RPRD1A: variants seen among roughly 807,000 people sequenced by gnomAD.
RPRD1A encodes the protein regulation of nuclear pre-mRNA domain-containing protein 1A.
In RPRD1A, 9 loss-of-function variants were observed where a neutral mutation model predicts 37.8. The observed-to-expected ratio is 0.24, with a 90% CI of 0.14 to 0.42. The LOEUF (loss-of-function observed/expected upper bound fraction) is 0.42. Among genes scored for constraint, RPRD1A ranks in the 10% least tolerant of loss-of-function variants. RPRD1A has a pLI of 1.00. For missense variants in RPRD1A, 255 were observed against 371.0 expected, an observed-to-expected ratio of 0.69 and a Z score of 2.57; for synonymous variants, 138 against 139.7, an observed-to-expected ratio of 0.99 and a Z score of 0.08.
chr18:36,046,486 C>T (rs1486584701), intron 1 of RPRD1A, among the ~76,000 whole-genome samples: 3 of 152,032 alleles, frequency 2.0e-5, no homozygotes. Flanking sequence ...CAGAGTACCT[C>T]CTTCTCCTGA....
At chr18:36,041,786 A>G (rs1912598068) in intron 1 of RPRD1A, among the ~76,000 whole-genome samples, 1 of 152,254 alleles carries the variant, frequency 6.6e-6, no homozygotes, top group African/African-American at 2.4e-5. Context: ...CACAGAAAGC[A>G]TATCAAGAGA....
At position 36,014,979 on chromosome 18, in the gene RPRD1A, C is replaced by G. The variant is rs1372854814; in HGVS notation, c.789+11921G>C. ...GTGAGGATGTGGAGAAAATGGAACC[C>G]TCGTGCTCTGTTGGTGGGAATGCAA... On this transcript the variant is annotated intron_variant, in intron 6 of 6. Coordinates refer to ENST00000399022, the MANE Select transcript of RPRD1A (RefSeq NM_018170.5). 2.6e-5 allele frequency among the ~76,000 whole-genome samples: 4 copies of G among 151,986 alleles called. No homozygotes were observed. The East Asian group carries it at 7.7e-4, about 29-fold the overall frequency.
At chr18:36,023,428 ACTTGTTGGTGAGGAGTTG>A (rs1234554139) in intron 6 of RPRD1A, among the ~76,000 whole-genome samples, 1 of 152,178 alleles carries the variant, frequency 6.6e-6, no homozygotes, top group Non-Finnish European at 1.5e-5. Flanking sequence ...ATCTCATAAA[ACTTGTTGGTGAGGAGTTG>A]CTTCTTATGG....
chr18:36,050,890 A>C (rs558018658), intron 1 of RPRD1A, among the ~76,000 whole-genome samples: 3 of 149,654 alleles, frequency 2.0e-5, no homozygotes, highest in African/African-American at 2.5e-5. Flanking sequence ...TACTGCTTTT[A>C]ATGTGCACAT....
At chr18:36,049,996 T>A (rs1009035764) in intron 1 of RPRD1A, among the ~76,000 whole-genome samples, 1 of 152,176 alleles carries the variant, frequency 6.6e-6, no homozygotes, top group Non-Finnish European at 1.5e-5. Flanking sequence ...TGTTTTTTGA[T>A]AATAGCCATT....
rs943681199 is a variant in RPRD1A at position 35,991,526 on chromosome 18, G to A, written c.*1625C>T. On this transcript the variant is annotated 3_prime_UTR_variant, in exon 7 of 7. Coordinates refer to ENST00000399022, the MANE Select transcript of RPRD1A (RefSeq NM_018170.5). ...ACAAGTGAAGGACATTCATGGTTAG[G>A]TGGATTCAGTTCCCAGGTGAGCTAT... 9.9e-5 allele frequency: 15 copies of A among 152,190 alleles called. No individual in the cohort carries two copies. Among genetic ancestry groups the A allele is most frequent in the Non-Finnish European group, 1.9e-4 (13 of 68,032 alleles). 9.4% of individuals were successfully genotyped at this position (152,190 alleles called of 1,614,324 possible).
chr18:36,011,230 AAC>A (rs1910160297), intron 6 of RPRD1A, among the ~76,000 whole-genome samples: 1 of 152,178 alleles, frequency 6.6e-6, no homozygotes. Context: ...CAGACAAGGA[AAC>A]AGAGGCCAAA....
At chr18:36,026,339 A>G (rs974870530) in intron 6 of RPRD1A, 3 of 152,442 alleles carry the variant, frequency 2.0e-5, no homozygotes, top group African/African-American at 7.2e-5. Flanking sequence ...CAAAGGAAAT[A>G]CGAGCATTTT....
chr18:35,990,445 C>T lies in RPRD1A; in HGVS notation c.*2706G>A, dbSNP rs1273445144. 3 of 152,196 alleles carry T rather than the reference C, an allele frequency of 2.0e-5. No individual in the cohort carries two copies. The highest frequency in any genetic ancestry group is 4.4e-5 in the Non-Finnish European group (3 of 68,044). The allele number at this position is 152,196 out of a possible 1,614,324, so 9.4% of individuals were successfully genotyped here. A position where few individuals can be genotyped will look rare whatever the true frequency, so the allele number is the denominator to read the frequency against. On this transcript the variant is annotated 3_prime_UTR_variant, in exon 7 of 7. Coordinates refer to ENST00000399022, the MANE Select transcript of RPRD1A (RefSeq NM_018170.5). Reference sequence around the variant, plus strand: ...CATGTGATAGGAGATACCAAAATAGCTGCATCTGGACAGGGAGGTTGGCTA... The same window carrying T: ...CATGTGATAGGAGATACCAAAATAGTTGCATCTGGACAGGGAGGTTGGCTA...
intron 1 of RPRD1A, among the ~76,000 whole-genome samples, chr18:36,039,315 C>A (rs1413263089): frequency 6.6e-6 from 1 of 152,156 alleles, no homozygotes; most frequent in Admixed American, 6.5e-5. Context: ...TTCTTTATAG[C>A]AATGTGAGAG....
At chr18:36,027,521 C>T in intron 4 of RPRD1A, 1 of 489,412 alleles carries the variant, frequency 2.0e-6, no homozygotes, top group Non-Finnish European at 3.6e-6. Flanking sequence ...GGACAAGGCC[C>T]TAGACCTTGA....
chr18:36,018,378 A>G (rs1346645841), intron 6 of RPRD1A, among the ~76,000 whole-genome samples: 1 of 151,124 alleles, frequency 6.6e-6, no homozygotes, highest in East Asian at 2.0e-4. Flanking sequence ...GGTTCACGCC[A>G]TTCTCCTGCC....
chr18:36,057,049 T>TAAAAAAAAA (rs1407950222), intron 1 of RPRD1A, among the ~76,000 whole-genome samples: 4 of 23,268 alleles, frequency 1.7e-4, no homozygotes, highest in African/African-American at 7.6e-4. Flanking sequence ...ACCCTGTTTC[T>TAAAAAAAAA]ACAAAAAAAA....
chr18:36,037,019 C>T (rs561782374), intron 1 of RPRD1A, among the ~76,000 whole-genome samples: 78 of 152,116 alleles, frequency 5.1e-4, no homozygotes, highest in Non-Finnish European at 2.9e-4. Flanking sequence ...CCAGGGACCA[C>T]GCTAAGTACA....
At chr18:36,057,711 A>T (rs1170692181) in intron 1 of RPRD1A, among the ~76,000 whole-genome samples, 1 of 152,266 alleles carries the variant, frequency 6.6e-6, no homozygotes, top group Admixed American at 6.5e-5. Flanking sequence ...TGAAAAGTCA[A>T]ATAATGCTGT....
At chr18:36,051,987 C>T (rs947453892) in intron 1 of RPRD1A, among the ~76,000 whole-genome samples, 5 of 151,990 alleles carry the variant, frequency 3.3e-5, no homozygotes, top group Admixed American at 2.6e-4. Context: ...GCTTAACAAA[C>T]TTCAAGCAAG....
At chr18:36,015,173 TAC>T (rs368940718) in intron 6 of RPRD1A, among the ~76,000 whole-genome samples, 4,300 of 130,890 alleles carry the variant, frequency 0.033, 95 homozygotes, top group African/African-American at 0.055. Context: ...TACACATATA[TAC>T]ACACACACAC....
intron 1 of RPRD1A, among the ~76,000 whole-genome samples, chr18:36,063,453 C>G (rs771362346): frequency 2.4e-4 from 36 of 151,240 alleles, no homozygotes; most frequent in Non-Finnish European, 4.4e-4. Context: ...CAGGCATGAG[C>G]CACAGTACCC....
At chr18:36,029,562 T>C (rs1180413807) in intron 4 of RPRD1A, among the ~76,000 whole-genome samples, 2 of 151,670 alleles carry the variant, frequency 1.3e-5, no homozygotes, top group Non-Finnish European at 2.9e-5. Context: ...TTTTACACTT[T>C]ATCTGTCCCG....
Sources: gnomAD v4.1 joint callset for allele counts (sites outside exome capture counted in the v4.1 genomes callset) on GRCh38, gnomAD v4.1.1 for gene constraint, MANE v1.5 for transcripts, NCBI Gene and HGNC (gene_info 2026-07-23, HGNC 2026-07-21) for gene names.